CCSER1: variants seen among roughly 807,000 people sequenced by gnomAD.
The protein encoded by CCSER1 is coiled-coil serine rich protein 1, also known as serine-rich coiled-coil domain-containing protein 1.
Under a neutral mutation model 82.0 loss-of-function variants are expected in CCSER1, and 41 were observed. The ratio of observed to expected loss-of-function variants is 0.50; its 90% CI spans 0.39 to 0.65. The LOEUF is 0.65. Ranked by LOEUF, CCSER1 falls within the 30% of genes least tolerant of loss-of-function variation. The pLI is 0.00. For synonymous variants in CCSER1, 414 were observed against 383.9 expected, an observed-to-expected ratio of 1.08 and a Z score of -0.92; for missense variants, 1,119 against 1,064.2, an observed-to-expected ratio of 1.05 and a Z score of -0.72.
intron 4 of CCSER1, among the ~76,000 whole-genome samples, chr4:90,423,955 G>A (rs1757127613): frequency 6.6e-6 from 1 of 150,850 alleles, no homozygotes; most frequent in South Asian, 2.1e-4. Context: ...GCTGGGCACA[G>A]TGGCGGGCGC....
chr4:90,210,744 C>T (rs1739827060), intron 1 of CCSER1, among the ~76,000 whole-genome samples: 2 of 152,164 alleles, frequency 1.3e-5, no homozygotes, highest in African/African-American at 4.8e-5. Context: ...CGTGCCTGGC[C>T]TGGCGTCTGC....
In CCSER1 at chr4:90,365,879, A is replaced by T. The variant is rs573607857; in HGVS notation, c.1510-34157A>T. On this transcript the variant is annotated intron_variant, in intron 3 of 10. Coordinates refer to ENST00000509176, the MANE Select transcript of CCSER1 (RefSeq NM_001145065.2). Reference sequence around the variant, plus strand: ...CCTTGCTATCAATTATACATGTGAGATTATCTTTGTTTTAGTTTTCCTTCT... The same window carrying T: ...CCTTGCTATCAATTATACATGTGAGTTTATCTTTGTTTTAGTTTTCCTTCT... 2.0e-5 allele frequency among the ~76,000 whole-genome samples: 3 copies of T among 152,032 alleles called. No homozygotes were observed. The South Asian group carries it at 6.2e-4, about 31-fold the overall frequency.
chr4:91,415,255 A>G (rs976168724), intron 10 of CCSER1, among the ~76,000 whole-genome samples: 4 of 152,046 alleles, frequency 2.6e-5, no homozygotes, highest in Non-Finnish European at 5.9e-5. Flanking sequence ...TTGCAGATCT[A>G]TTTTGTATCT....
intron 10 of CCSER1, among the ~76,000 whole-genome samples, chr4:91,552,800 A>G (rs1054813907): frequency 4.0e-5 from 6 of 151,258 alleles, no homozygotes; most frequent in Non-Finnish European, 7.4e-5. Flanking sequence ...GATTTTCTAT[A>G]TATTAGATTC....
Position 90,153,665 on chromosome 4 carries a change from T to C in CCSER1, c.-42+25834T>C, listed in dbSNP as rs145615668. On this transcript the variant is annotated intron_variant, in intron 1 of 10. Coordinates refer to ENST00000509176, the MANE Select transcript of CCSER1 (RefSeq NM_001145065.2). ...TGGTGAGCATTTTTTCATGCGGTTT[T>C]TGGCTGCATAAATGTCTTCTTTTGA... Among the ~76,000 whole-genome samples the C allele has an allele frequency of 6.1e-3, 936 of 152,340 alleles. 56 individuals carry two copies. In the East Asian group the frequency reaches 0.14, roughly 23 times the overall value.
chr4:90,943,702 ACAAACATGAGC>A (rs1374097142), intron 9 of CCSER1, among the ~76,000 whole-genome samples: 1 of 143,538 alleles, frequency 7.0e-6, no homozygotes, highest in East Asian at 2.2e-4. Flanking sequence ...AGCTGGGACT[ACAAACATGAGC>A]CACTGTGCCA....
Position 90,825,406 on chromosome 4 carries a change from T to C in CCSER1, c.2094+9561T>C, listed in dbSNP as rs191583906. On this transcript the variant is annotated intron_variant, in intron 8 of 10. Transcript: ENST00000509176. ...CTTCTTTTGTTACACTAATCAAGAT[T>C]CCAGTACTTAGAGTAATTTAACAAA... Among the ~76,000 whole-genome samples the C allele has an allele frequency of 3.9e-5, 6 of 152,288 alleles. No individual in the cohort carries two copies. In the South Asian group the frequency reaches 6.2e-4, roughly 16 times the overall value.
intron 5 of CCSER1, among the ~76,000 whole-genome samples, chr4:90,607,679 T>G (rs528632518): frequency 6.6e-6 from 1 of 152,320 alleles, no homozygotes; most frequent in South Asian, 2.1e-4. Context: ...TTATCTTAAC[T>G]GATTACATCT....
chr4:90,469,593 T>TA (rs1417377582), intron 5 of CCSER1, among the ~76,000 whole-genome samples: 1 of 151,034 alleles, frequency 6.6e-6, no homozygotes, highest in African/African-American at 2.4e-5. Flanking sequence ...TTTAGGGTGA[T>TA]ATCACCACTC....
intron 10 of CCSER1, among the ~76,000 whole-genome samples, chr4:91,125,903 A>T (rs1002076176): frequency 6.6e-6 from 1 of 151,672 alleles, no homozygotes; most frequent in African/African-American, 2.4e-5. Flanking sequence ...GCCTAGTGAA[A>T]GACTGGGTTT....
chr4:90,293,687 TAAAA>T (rs1393385208), intron 1 of CCSER1, among the ~76,000 whole-genome samples: 4 of 151,048 alleles, frequency 2.6e-5, no homozygotes, highest in African/African-American at 9.7e-5. Flanking sequence ...TTAAAGAAAA[TAAAA>T]AATTTAAGGC....
chr4:90,157,850 G>A (rs1321735496), intron 1 of CCSER1, among the ~76,000 whole-genome samples: 1 of 152,042 alleles, frequency 6.6e-6, no homozygotes, highest in African/African-American at 2.4e-5. Flanking sequence ...TAGTTTGATT[G>A]TCTGAACCCT....
In CCSER1 at chr4:90,335,898, G is replaced by A. The variant is rs972234793; in HGVS notation, c.1509+22851G>A. Among the ~76,000 whole-genome samples, 9 of 152,252 alleles carry A rather than the reference G, an allele frequency of 5.9e-5. No homozygotes were observed. The South Asian group carries it at 6.2e-4, about 11-fold the overall frequency. Reference sequence around the variant, plus strand: ...TTTCCAAAGTGCTGGGATTACAGGCGTGAGCCATCACGCCCGACATAGATA... The same window carrying A: ...TTTCCAAAGTGCTGGGATTACAGGCATGAGCCATCACGCCCGACATAGATA... On this transcript the variant is annotated intron_variant, in intron 3 of 10. Coordinates refer to ENST00000509176, the MANE Select transcript of CCSER1 (RefSeq NM_001145065.2).
chr4:91,200,653 C>T (rs770994231), intron 10 of CCSER1, among the ~76,000 whole-genome samples: 3 of 151,846 alleles, frequency 2.0e-5, no homozygotes, highest in Admixed American at 1.3e-4. Context: ...ATCTATGATA[C>T]GTAATTTTAC....
chr4:91,256,172 A>G (rs1483078085), intron 10 of CCSER1, among the ~76,000 whole-genome samples: 2 of 152,086 alleles, frequency 1.3e-5, no homozygotes, highest in Non-Finnish European at 2.9e-5. Context: ...CCGCTCTTGG[A>G]GTGTCTGCCT....
intron 5 of CCSER1, among the ~76,000 whole-genome samples, chr4:90,529,938 T>A (rs1474393251): frequency 2.4e-5 from 3 of 123,478 alleles, no homozygotes; most frequent in Non-Finnish European, 4.8e-5. Flanking sequence ...TTAAATAGAA[T>A]ATATATATAT....
At chr4:90,694,611 A>G (rs2149249747) in intron 6 of CCSER1, among the ~76,000 whole-genome samples, 1 of 147,694 alleles carries the variant, frequency 6.8e-6, no homozygotes, top group Middle Eastern at 3.5e-3. Flanking sequence ...GAGCATGGAA[A>G]ATGTTTTCGT....
chr4:90,847,334 C>T (rs1763342539), intron 8 of CCSER1, among the ~76,000 whole-genome samples: 1 of 152,184 alleles, frequency 6.6e-6, no homozygotes, highest in South Asian at 2.1e-4. Context: ...CCCCATCTGG[C>T]CTGCGGCAGT....
intron 1 of CCSER1, among the ~76,000 whole-genome samples, chr4:90,249,079 A>T (rs1259781117): frequency 1.2e-5 from 1 of 80,906 alleles, no homozygotes. Flanking sequence ...GGAAAATAAA[A>T]TCATTTGTGG....
Sources: gnomAD v4.1 joint callset for allele counts (sites outside exome capture counted in the v4.1 genomes callset) on GRCh38, gnomAD v4.1.1 for gene constraint, MANE v1.5 for transcripts, NCBI Gene and HGNC (gene_info 2026-07-23, HGNC 2026-07-21) for gene names.